SLC29A3: variants seen among roughly 807,000 people sequenced by gnomAD.
The protein encoded by SLC29A3 is equilibrative nucleoside transporter 3.
Under a neutral mutation model 25.4 loss-of-function variants are expected in SLC29A3, and 18 were observed. The ratio of observed to expected loss-of-function variants is 0.71; its 90% CI spans 0.49 to 1.05. The LOEUF (loss-of-function observed/expected upper bound fraction) is 1.05. Among genes scored for constraint, SLC29A3 ranks in the 50% least tolerant of loss-of-function variants. The pLI, the probability that SLC29A3 is intolerant of heterozygous loss-of-function variation, is 0.00. For missense variants in SLC29A3, 586 were observed against 609.0 expected (o/e 0.96, Z 0.40); for synonymous variants, 258 against 267.1 (o/e 0.97, Z 0.33).
intron 4 of SLC29A3, among the ~76,000 whole-genome samples, chr10:71,352,064 C>T (rs1048545041): frequency 1.3e-5 from 2 of 152,162 alleles, no homozygotes; most frequent in Non-Finnish European, 2.9e-5. Flanking sequence ...CCAGGTGGCA[C>T]GCCCTCCTGG....
chr10:71,353,132 C>T (rs181001312), intron 4 of SLC29A3, among the ~76,000 whole-genome samples: 1 of 152,314 alleles, frequency 6.6e-6, no homozygotes. Context: ...TCCTTCTCAG[C>T]GCAGCACTTG....
At chr10:71,321,832 G>C (rs1845852215) in intron 1 of SLC29A3, among the ~76,000 whole-genome samples, 1 of 152,220 alleles carries the variant, frequency 6.6e-6, no homozygotes, top group Non-Finnish European at 1.5e-5. Flanking sequence ...CTTGTAGGGT[G>C]TGATGAGCAG....
At chr10:71,377,710 GGAA>G (rs1847263851) in intron 4 of SLC29A3, among the ~76,000 whole-genome samples, 1 of 152,252 alleles carries the variant, frequency 6.6e-6, no homozygotes, top group African/African-American at 2.4e-5. Flanking sequence ...TGGTCTTGGA[GGAA>G]GATCGTCAAG....
chr10:71,319,285 A>G lies in SLC29A3; in HGVS notation c.-25A>G. 2 of 631,074 alleles carry G rather than the reference A, an allele frequency of 3.2e-6. No individual in the cohort carries two copies. Among genetic ancestry groups the G allele is most frequent in the Admixed American group, 2.5e-5 (1 of 40,708 alleles). 39.1% of individuals were successfully genotyped at this position (631,074 alleles called of 1,614,324 possible). ...GTGGTCCTGGCCGTGCGCCGGAGGC[A>G]GCGGCGGCGTGGCGCAGCGGCGACA... is the stretch of plus-strand genomic sequence containing the variant. On this transcript the variant is annotated 5_prime_UTR_variant, in exon 1 of 6. Transcript: ENST00000373189.
In SLC29A3 at chr10:71,360,491, A is replaced by G. The variant is rs1485587934; in HGVS notation, c.774-1463A>G. The stretch of plus-strand genomic sequence containing the variant: ...AAGTAAACCAATGCAATTACTGTAG[A>G]TTGTGGTTAGTTCTTTTGAAGGAAC... On this transcript the variant is annotated intron_variant, in intron 5 of 5. Coordinates refer to ENST00000373189, the MANE Select transcript of SLC29A3 (RefSeq NM_018344.6). 2.6e-5 allele frequency among the ~76,000 whole-genome samples: 4 copies of G among 152,296 alleles called. No individual in the cohort carries two copies. The South Asian group carries it at 8.3e-4, about 32-fold the overall frequency.
Position 71,322,901 on chromosome 10 carries a change from C to T in SLC29A3, c.147C>T (p.Arg49=). 1 of 1,614,246 alleles carries T rather than the reference C, an allele frequency of 6.2e-7. No individual in the cohort carries two copies. The highest frequency in any genetic ancestry group is 8.5e-7 in the Non-Finnish European group (1 of 1,180,052). ...CTGGCCTGCAGAGGCCCGAGGACCG[C>T]TTCTGTGGCACATACATCATCTTCT... ...PPPGLQRPED[R]FCGTYIIFFS... Residue 49 remains arginine, a synonymous_variant, in exon 2 of 6, where the codon CGC becomes CGT. Coordinates refer to ENST00000373189, the MANE Select transcript of SLC29A3 (RefSeq NM_018344.6).
intron 2 of SLC29A3, among the ~76,000 whole-genome samples, chr10:71,323,540 C>T (rs558952557): frequency 4.6e-5 from 7 of 152,374 alleles, no homozygotes; most frequent in Admixed American, 6.5e-5. Flanking sequence ...GTTGCCTGTA[C>T]GAACACTTCC....
At chr10:71,343,899 C>T (rs1478425360) in intron 2 of SLC29A3, among the ~76,000 whole-genome samples, 3 of 152,226 alleles carry the variant, frequency 2.0e-5, no homozygotes, top group Non-Finnish European at 2.9e-5. Context: ...CCCATGGCCT[C>T]AGTCCATGGG....
intron 2 of SLC29A3, among the ~76,000 whole-genome samples, chr10:71,337,964 A>G (rs1490065763): frequency 6.6e-6 from 1 of 152,204 alleles, no homozygotes. Context: ...AGTGTAGCAA[A>G]TGGAAATGAG....
downstream of SLC29A3, among the ~76,000 whole-genome samples, chr10:71,368,336 C>T (rs1847185844): frequency 6.6e-6 from 1 of 152,258 alleles, no homozygotes; most frequent in African/African-American, 2.4e-5. Flanking sequence ...GATAGATCCT[C>T]AACAAACTTG....
At chr10:71,351,540 G>A (rs778966130) in intron 3 of SLC29A3, 22 bp from the exon 4 acceptor site, 4 of 1,612,272 alleles carry the variant, frequency 2.5e-6, no homozygotes, top group Non-Finnish European at 3.4e-6. Context: ...GTGTCTAACT[G>A]CTTCTGGCAT....
intron 1 of SLC29A3, among the ~76,000 whole-genome samples, chr10:71,322,042 C>T (rs570748115): frequency 9.2e-5 from 14 of 152,264 alleles, no homozygotes; most frequent in South Asian, 6.2e-4. Flanking sequence ...TTTAAATTTA[C>T]ACTTTTAATT....
chr10:71,349,947 C>G (rs979650398), intron 3 of SLC29A3, among the ~76,000 whole-genome samples: 4 of 152,210 alleles, frequency 2.6e-5, no homozygotes, highest in Non-Finnish European at 4.4e-5. Context: ...GCACCTACCA[C>G]AGTGAGATGA....
chr10:71,374,521 G>T (rs965486445), intron 3 of SLC29A3, among the ~76,000 whole-genome samples: 1 of 135,516 alleles, frequency 7.4e-6, no homozygotes, highest in Non-Finnish European at 1.6e-5. Context: ...CCATGTTGGG[G>T]TGTGTGTGTG....
At position 71,369,451 on chromosome 10, in the gene SLC29A3, G is replaced by C. The variant is rs77300193; in HGVS notation, c.*95-6244G>C. 2.0e-4 allele frequency among the ~76,000 whole-genome samples: 30 copies of C among 152,308 alleles called. No homozygotes were observed. In the East Asian group the frequency reaches 5.4e-3, roughly 27 times the overall value. ...CTTCTCCTAATAACATGTGAGAAAAGAGAAATGACTTAAATATGGAATGGT... is the reference window on the plus strand; with the variant it reads ...CTTCTCCTAATAACATGTGAGAAAACAGAAATGACTTAAATATGGAATGGT... On this transcript the variant is annotated intron_variant and NMD_transcript_variant, in intron 3 of 4. Transcript: ENST00000642772.
At chr10:71,349,680 T>C (rs1846698538) in intron 3 of SLC29A3, among the ~76,000 whole-genome samples, 1 of 152,048 alleles carries the variant, frequency 6.6e-6, no homozygotes, top group African/African-American at 2.4e-5. Context: ...CACCCCGCCC[T>C]CCTCCAGGAC....
At chr10:71,328,928 T>C (rs979069485) in intron 2 of SLC29A3, among the ~76,000 whole-genome samples, 1 of 152,184 alleles carries the variant, frequency 6.6e-6, no homozygotes, top group African/African-American at 2.4e-5. Context: ...GATAGCATAC[T>C]TGGGATCTGC....
chr10:71,328,330 C>G (rs4600131), intron 2 of SLC29A3, among the ~76,000 whole-genome samples: 50,010 of 152,072 alleles, frequency 0.33, 8,496 homozygotes, highest in African/African-American at 0.4. Context: ...TCCCCTGAAG[C>G]CACCTCTCTG....
rs114796628 is a variant in SLC29A3, at chr10:71,371,530, C to G, written c.*95-4165C>G. On this transcript the variant is annotated intron_variant and NMD_transcript_variant, in intron 3 of 4. Coordinates refer to the SLC29A3 transcript ENST00000642772. Reference sequence around the variant, plus strand: ...AAAGAGGTCTGCATTCCAAGGTTTCCGAGCCCCTGGGTGCCAAGCTACAGT... The same window carrying G: ...AAAGAGGTCTGCATTCCAAGGTTTCGGAGCCCCTGGGTGCCAAGCTACAGT... 8.4e-3 allele frequency among the ~76,000 whole-genome samples: 1,272 copies of G among 152,250 alleles called. 23 individuals are homozygous for G. Among genetic ancestry groups the G allele is most frequent in the African/African-American group, 0.029 (1,194 of 41,536 alleles).
Sources: gnomAD v4.1 joint callset for allele counts (sites outside exome capture counted in the v4.1 genomes callset) on GRCh38, gnomAD v4.1.1 for gene constraint, MANE v1.5 for transcripts, NCBI Gene and HGNC (gene_info 2026-07-23, HGNC 2026-07-21) for gene names.